CNTN5: variants seen among roughly 807,000 people sequenced by gnomAD.
CNTN5 encodes contactin 5, also known as contactin-5.
Under a neutral mutation model 129.1 loss-of-function variants are expected in CNTN5, and 77 were observed. That is an observed-to-expected ratio of 0.60 (90% CI 0.50 to 0.72). The LOEUF (loss-of-function observed/expected upper bound fraction) is 0.72. CNTN5 is among the 30% of genes least tolerant of loss of function. CNTN5 has a pLI of 0.00. For synonymous variants in CNTN5, 509 were observed against 465.6 expected (o/e 1.09, Z -1.20); for missense variants, 1,478 against 1,328.8 (o/e 1.11, Z -1.75).
intron 13 of CNTN5, among the ~76,000 whole-genome samples, chr11:100,188,062 T>A (rs1279560984): frequency 6.6e-6 from 1 of 152,156 alleles, no homozygotes; most frequent in Admixed American, 6.6e-5. Context: ...ATATCCAGAA[T>A]CTATGAGGAA....
At chr11:100,135,332 T>G (rs1320591413) in intron 13 of CNTN5, among the ~76,000 whole-genome samples, 2 of 151,840 alleles carry the variant, frequency 1.3e-5, no homozygotes. Context: ...TGTGCCACCA[T>G]GCCCAGCTAA....
rs369525403 is a variant in CNTN5 at position 99,899,820 on chromosome 11, G to T, written c.578-16234G>T. Among the ~76,000 whole-genome samples, 47 of 151,998 alleles carry T rather than the reference G, an allele frequency of 3.1e-4. 1 individual carries two copies. The highest frequency in any genetic ancestry group is 1.1e-3 in the African/African-American group (44 of 41,518). ...GTAAGGTTGGTACCGGCTTTTCTTT[G>T]TACATCTGGTAAAATTTGGCTTTGA... On this transcript the variant is annotated intron_variant, in intron 6 of 24. Transcript: ENST00000524871.
chr11:99,404,231 T>A (rs11512625), intron 2 of CNTN5, among the ~76,000 whole-genome samples: 112,672 of 151,240 alleles, frequency 0.74, 42,833 homozygotes, highest in African/African-American at 0.9. Context: ...CCGTTTATTT[T>A]CAGACTATGT....
intron 3 of CNTN5, among the ~76,000 whole-genome samples, chr11:99,815,950 C>T (rs981028149): frequency 5.9e-5 from 9 of 152,100 alleles, no homozygotes; most frequent in African/African-American, 1.9e-4. Context: ...AATTCCCTCC[C>T]TCACCGGGTT....
chr11:100,309,422 A>G (rs1951424401), intron 21 of CNTN5: 3 of 968,486 alleles, frequency 3.1e-6, no homozygotes, highest in Non-Finnish European at 3.7e-6. Flanking sequence ...ATGATAAAAA[A>G]ATTTATACAA....
intron 13 of CNTN5, among the ~76,000 whole-genome samples, chr11:100,137,411 G>T (rs2138237503): frequency 6.6e-6 from 1 of 152,038 alleles, no homozygotes; most frequent in South Asian, 2.1e-4. Context: ...ACTAGCTATG[G>T]GCCAGGTGCT....
rs143731989 is a variant in CNTN5 at position 99,638,458 on chromosome 11, G to A, written c.55+82189G>A. Among the ~76,000 whole-genome samples, 787 of 152,028 alleles carry A rather than the reference G, an allele frequency of 5.2e-3. 6 individuals carry two copies. Among genetic ancestry groups the A allele is most frequent in the Middle Eastern group, 0.01 (3 of 294 alleles). On this transcript the variant is annotated intron_variant, in intron 3 of 24. Coordinates refer to ENST00000524871, the MANE Select transcript of CNTN5 (RefSeq NM_014361.4). ...CTTCTCAACAGTCCCCCAAACTCTC[G>A]ACTCATTTGGGCATTAACCCAAAAG...
chr11:99,422,391 A>G (rs891653569), intron 2 of CNTN5, among the ~76,000 whole-genome samples: 1 of 151,432 alleles, frequency 6.6e-6, no homozygotes, highest in African/African-American at 2.4e-5. Context: ...CATACACATT[A>G]TATCAGGGGA....
intron 4 of CNTN5, among the ~76,000 whole-genome samples, chr11:99,824,424 T>C (rs1214651231): frequency 6.6e-6 from 1 of 152,058 alleles, no homozygotes; most frequent in Admixed American, 6.5e-5. Flanking sequence ...TTCTTATTCA[T>C]ATATGTTGAC....
intron 7 of CNTN5, among the ~76,000 whole-genome samples, chr11:99,922,456 A>G (rs1230539198): frequency 2.0e-5 from 3 of 152,210 alleles, no homozygotes; most frequent in African/African-American, 7.2e-5. Context: ...GACTTCAACA[A>G]CTGCCTTTGT....
intron 3 of CNTN5, among the ~76,000 whole-genome samples, chr11:99,651,801 C>T (rs1952167289): frequency 6.6e-6 from 1 of 151,926 alleles, no homozygotes; most frequent in South Asian, 2.1e-4. Context: ...TAAAAATCCT[C>T]ATCTCAAGAT....
chr11:99,513,759 A>G (rs576483467), intron 2 of CNTN5, among the ~76,000 whole-genome samples: 1 of 152,112 alleles, frequency 6.6e-6, no homozygotes, highest in South Asian at 2.1e-4. Context: ...CTTTCAAAAT[A>G]TTACCATTCA....
Position 99,143,278 on chromosome 11 carries a change from T to TAAATATATTTTAAAATATAC in CNTN5, c.-210+122010_-210+122029dup, listed in dbSNP as rs1479811385. 1.8e-4 allele frequency among the ~76,000 whole-genome samples: 26 copies of TAAATATATTTTAAAATATAC among 148,534 alleles called. No individual in the cohort carries two copies. In the South Asian group the frequency reaches 5.4e-3, roughly 31 times the overall value. Reference sequence around the variant, plus strand: ...CTTAGAAATGTAATTTAAAAATATATAAATATATTTTAAAATATACATGTA... The same window carrying TAAATATATTTTAAAATATAC: ...CTTAGAAATGTAATTTAAAAATATATAAATATATTTTAAAATATACAAATATATTTTAAAATATACATGTA... On this transcript the variant is annotated intron_variant, in intron 1 of 24. Transcript: ENST00000524871.
chr11:99,518,622 G>T (rs964598833), intron 2 of CNTN5, among the ~76,000 whole-genome samples: 3 of 151,942 alleles, frequency 2.0e-5, no homozygotes, highest in Non-Finnish European at 2.9e-5. Context: ...GGCAGCAATG[G>T]CTATATTAAG....
At chr11:99,217,921 G>A (rs1320838019) in intron 1 of CNTN5, among the ~76,000 whole-genome samples, 4 of 151,940 alleles carry the variant, frequency 2.6e-5, no homozygotes, top group African/African-American at 7.3e-5. Context: ...ATTCTCTTTA[G>A]CATAATTAAC....
intron 2 of CNTN5, among the ~76,000 whole-genome samples, chr11:99,412,974 T>C (rs566642302): frequency 3.3e-5 from 5 of 152,188 alleles, no homozygotes; most frequent in Non-Finnish European, 5.9e-5. Context: ...AATTGCACAT[T>C]TGACTTTATG....
intron 18 of CNTN5, among the ~76,000 whole-genome samples, chr11:100,273,560 G>A (rs1016640228): frequency 1.3e-5 from 2 of 152,224 alleles, no homozygotes; most frequent in African/African-American, 2.4e-5. Context: ...AGCTTGCAGA[G>A]CAGAGAAGGC....
chr11:99,205,684 A>G (rs1416262514), intron 1 of CNTN5, among the ~76,000 whole-genome samples: 2 of 152,066 alleles, frequency 1.3e-5, no homozygotes, highest in Non-Finnish European at 2.9e-5. Flanking sequence ...TTTCCCACGC[A>G]AAAGGGTAAC....
At chr11:99,424,742 T>C (rs1258137594) in intron 2 of CNTN5, among the ~76,000 whole-genome samples, 1 of 152,236 alleles carries the variant, frequency 6.6e-6, no homozygotes, top group South Asian at 2.1e-4. Context: ...GCTCTTCTCT[T>C]ATTTTCATCG....
Sources: allele counts gnomAD v4.1 joint callset (sites outside exome capture counted in the v4.1 genomes callset), GRCh38; gene constraint gnomAD v4.1.1; transcripts MANE v1.5; gene names NCBI Gene and HGNC (gene_info 2026-07-23, HGNC 2026-07-21).